GTF3C1: variants seen among roughly 807,000 people sequenced by gnomAD.
GTF3C1 encodes the protein general transcription factor 3C polypeptide 1.
GTF3C1 carries 57 observed loss-of-function variants against 226.7 expected under a neutral mutation model. The observed-to-expected ratio is 0.25, with a 90% confidence interval of 0.20 to 0.31. The LOEUF (loss-of-function observed/expected upper bound fraction) is 0.31, where lower values mean the gene tolerates loss of function less well. Ranked by LOEUF, GTF3C1 falls within the 10% of genes least tolerant of loss-of-function variation. The probability of loss-of-function intolerance (pLI) is 1.00; values close to 1 mark genes in which losing one functional copy is unlikely to be tolerated. For missense variants in GTF3C1, 2,217 were observed against 2,776.1 expected, an observed-to-expected ratio of 0.80 and a Z score of 4.53; for synonymous variants, 1,090 against 1,084.8, an observed-to-expected ratio of 1.00 and a Z score of -0.09.
chr16:27,527,976 A>C (rs982371955), intron 6 of GTF3C1, among the ~76,000 whole-genome samples: 1 of 149,714 alleles, frequency 6.7e-6, no homozygotes, highest in Non-Finnish European at 1.5e-5. Context: ...CCTGTCTCAA[A>C]AAAAAAAAAA....
At chr16:27,524,142 T>C (rs1049518560) in intron 6 of GTF3C1, among the ~76,000 whole-genome samples, 1 of 152,192 alleles carries the variant, frequency 6.6e-6, no homozygotes, top group Non-Finnish European at 1.5e-5. Context: ...CCGCAGGCTA[T>C]ACAGTGGGAA....
At position 27,488,242 on chromosome 16, in the gene GTF3C1, T is replaced by C; in HGVS notation, c.3685A>G (p.Lys1229Glu). ...ACCACATAACCTTTCTTCTTTCTCT[T>C]GATCTTCTTCCCAGGGTCCTTCTTC... is the stretch of plus-strand genomic sequence containing the variant. ...RLKKDPGKKI[K>E]RKKKGEFPGE... Residue 1229 changes from lysine (K) to glutamate (E), a missense_variant, in exon 23 of 37, where the codon AAG (lysine) becomes GAG (glutamate). Physicochemically the swap from Lys to Glu is moderately conservative, Grantham distance 56 (BLOSUM62 1). Coordinates refer to ENST00000356183, the MANE Select transcript of GTF3C1 (RefSeq NM_001520.4). The C allele has an allele frequency of 1.2e-6, 2 of 1,610,668 alleles. No homozygotes were observed. Among genetic ancestry groups the C allele is most frequent in the Non-Finnish European group, 1.7e-6 (2 of 1,176,958 alleles).
chr16:27,510,649 T>C (rs900339901), intron 7 of GTF3C1, among the ~76,000 whole-genome samples: 1 of 152,134 alleles, frequency 6.6e-6, no homozygotes, highest in African/African-American at 2.4e-5. Flanking sequence ...CAAACAGCCC[T>C]CCAGAAAGGT....
At chr16:27,534,693 A>G (rs1458543723) in intron 4 of GTF3C1, among the ~76,000 whole-genome samples, 2 of 152,236 alleles carry the variant, frequency 1.3e-5, no homozygotes. Context: ...CACAAGCTAT[A>G]CACAAGTGAA....
intron 20 of GTF3C1, 56 bp downstream of exon 20, chr16:27,489,546 A>C: frequency 7.0e-7 from 1 of 1,428,994 alleles, no homozygotes; most frequent in Non-Finnish European, 9.6e-7. Context: ...CAGGCATCTG[A>C]AATGAGCACC....
intron 27 of GTF3C1, among the ~76,000 whole-genome samples, chr16:27,479,246 A>G (rs1037360404): frequency 1.3e-5 from 2 of 152,200 alleles, no homozygotes; most frequent in African/African-American, 2.4e-5. Flanking sequence ...TTATTCATCA[A>G]TTAAAACAAA....
chr16:27,546,778 T>C (rs2089170723), intron 1 of GTF3C1, among the ~76,000 whole-genome samples: 1 of 152,042 alleles, frequency 6.6e-6, no homozygotes, highest in Non-Finnish European at 1.5e-5. Context: ...CCATTCCTTT[T>C]TTTTAAGACT....
At chr16:27,512,194 TC>T (rs2088583895) in intron 6 of GTF3C1, among the ~76,000 whole-genome samples, 1 of 152,204 alleles carries the variant, frequency 6.6e-6, no homozygotes. Context: ...AGTCACCTTC[TC>T]CTGCTGGAGA....
chr16:27,481,585 C>T (rs1596622210), intron 26 of GTF3C1, among the ~76,000 whole-genome samples: 2 of 152,292 alleles, frequency 1.3e-5, no homozygotes, highest in South Asian at 4.1e-4. Context: ...CCTTCCTCTG[C>T]CCCAGCCTCA....
intron 26 of GTF3C1, chr16:27,482,519 T>C (rs1177958019): frequency 4.4e-6 from 2 of 456,074 alleles, no homozygotes; most frequent in East Asian, 1.4e-4. Flanking sequence ...GCCTGTGGCC[T>C]CCTTGGCGGA....
chr16:27,493,584 C>T (rs2088265384), intron 16 of GTF3C1, among the ~76,000 whole-genome samples: 4 of 152,182 alleles, frequency 2.6e-5, no homozygotes, highest in African/African-American at 4.8e-5. Context: ...AGAATATATA[C>T]ATTTATATTT....
intron 6 of GTF3C1, among the ~76,000 whole-genome samples, chr16:27,515,038 GA>G (rs1264613568): frequency 6.6e-6 from 1 of 152,172 alleles, no homozygotes; most frequent in Non-Finnish European, 1.5e-5. Context: ...AATTGGCTAG[GA>G]AAAGATACAC....
chr16:27,490,824 T>C (rs2088222339), intron 19 of GTF3C1, among the ~76,000 whole-genome samples: 2 of 152,168 alleles, frequency 1.3e-5, no homozygotes, highest in African/African-American at 4.8e-5. Flanking sequence ...GCTTTTCCCC[T>C]CATCCTGGGG....
intron 11 of GTF3C1, 101 bp downstream of exon 11, chr16:27,502,758 T>C: frequency 8.2e-7 from 1 of 1,225,282 alleles, no homozygotes. Context: ...GGGACAGAGA[T>C]TTGAATGCCC....
chr16:27,495,171 C>A, intron 15 of GTF3C1, 40 bp downstream of exon 15: 1 of 1,503,216 alleles, frequency 6.7e-7, no homozygotes, highest in Non-Finnish European at 9.2e-7. Context: ...TACTACTGGG[C>A]CTGCCCGCCC....
Position 27,461,811 on chromosome 16 carries a change from G to C in GTF3C1, c.6118-249C>G. On this transcript the variant is annotated intron_variant, in intron 36 of 36. Transcript: ENST00000356183. The surrounding 1 kb of genome is among the most constrained non-coding windows in gnomAD (Gnocchi z 5.3). ...GGAGCCACCACGCTGAATCTCATTT[G>C]TGGAGGAGAGGCCTGCAGCGCGGGA... 1.9e-6 allele frequency: 1 copy of C among 533,172 alleles called. No individual in the cohort carries two copies. Among genetic ancestry groups the C allele is most frequent in the East Asian group, 3.0e-5 (1 of 33,314 alleles). The allele number at this position is 533,172 out of a possible 1,614,324, so 33.0% of individuals were successfully genotyped here.
At chr16:27,543,487 C>A (rs556691567) in intron 2 of GTF3C1, among the ~76,000 whole-genome samples, 1 of 152,320 alleles carries the variant, frequency 6.6e-6, no homozygotes, top group African/African-American at 2.4e-5. Context: ...AACTCCTGGG[C>A]TCAAGCAATC....
Position 27,463,903 on chromosome 16 carries a change from G to A in GTF3C1, c.5873-311C>T. The A allele has an allele frequency of 2.3e-6, 1 of 432,510 alleles. No individual in the cohort carries two copies. The allele number at this position is 432,510 out of a possible 1,614,324, so 26.8% of individuals were successfully genotyped here. A position where few individuals can be genotyped will look rare whatever the true frequency, so the allele number is the denominator to read the frequency against. The stretch of plus-strand genomic sequence containing the variant: ...ACCACAAGGGTGGTATAAAACCCGA[G>A]GCAAAAACACCCCAAAGAAAACAAA... On this transcript the variant is annotated intron_variant, in intron 34 of 36. Coordinates refer to ENST00000356183, the MANE Select transcript of GTF3C1 (RefSeq NM_001520.4). This position sits in a 1 kb window ranked among gnomAD's most constrained non-coding sequence, Gnocchi z 4.9.
intron 5 of GTF3C1, among the ~76,000 whole-genome samples, chr16:27,531,749 T>C (rs1242918843): frequency 1.3e-5 from 2 of 152,112 alleles, no homozygotes; most frequent in Non-Finnish European, 1.5e-5. Flanking sequence ...AGTGACTTGG[T>C]AGGAGAGAGG....
Sources: allele counts gnomAD v4.1 joint callset (sites outside exome capture counted in the v4.1 genomes callset), GRCh38; gene constraint gnomAD v4.1.1; non-coding constraint Gnocchi (gnomAD v3.1); transcripts MANE v1.5; gene names NCBI Gene and HGNC (gene_info 2026-07-23, HGNC 2026-07-21).